Variants in KRT7 observed in about 807,000 individuals in gnomAD.
The protein encoded by KRT7 is keratin, type II cytoskeletal 7.
In KRT7, 50 loss-of-function variants were observed where a neutral mutation model predicts 42.8. The observed-to-expected ratio is 1.17, with a 90% CI of 0.93 to 1.48. The LOEUF is 1.48. Ranked by LOEUF, KRT7 falls within the 40% of genes most tolerant of loss-of-function variation. The pLI, the probability that KRT7 is intolerant of heterozygous loss-of-function variation, is 0.00. For synonymous variants in KRT7, 268 were observed against 266.3 expected (o/e 1.01, Z -0.06); for missense variants, 588 against 637.6 (o/e 0.92, Z 0.84).
intron 5 of KRT7, among the ~76,000 whole-genome samples, chr12:52,242,233 A>C (rs1228311568): frequency 2.0e-5 from 3 of 152,166 alleles, no homozygotes; most frequent in African/African-American, 7.2e-5. Context: ...TCGGCCTCCC[A>C]AAGTGCTGGG....
downstream of KRT7, among the ~76,000 whole-genome samples, chr12:52,251,479 C>A (rs1592400259): frequency 3.3e-5 from 5 of 152,302 alleles, no homozygotes; most frequent in African/African-American, 1.2e-4. Flanking sequence ...CTGTATGCAG[C>A]CTTCTGGTCA....
chr12:52,252,496 A>G, downstream of KRT7: 1 of 1,609,390 alleles, frequency 6.2e-7, no homozygotes, highest in Non-Finnish European at 8.5e-7. Flanking sequence ...GAGGCAAGGG[A>G]GGGTTATTAA....
intron 6 of KRT7, among the ~76,000 whole-genome samples, chr12:52,244,152 G>C (rs1942135591): frequency 1.3e-5 from 2 of 152,252 alleles, no homozygotes; most frequent in Non-Finnish European, 2.9e-5. Context: ...TGGGTGGTGG[G>C]GGGATGTGAG....
downstream of KRT7, among the ~76,000 whole-genome samples, chr12:52,249,615 CA>C (rs1230657081): frequency 2.6e-5 from 4 of 152,114 alleles, no homozygotes; most frequent in East Asian, 7.7e-4. Context: ...GAGTCCCCGA[CA>C]CACAGGTCTG....
At chr12:52,233,654 C>T (rs1941958417) in intron 1 of KRT7, 34 bp downstream of exon 1, 2 of 1,604,972 alleles carry the variant, frequency 1.2e-6, no homozygotes, top group African/African-American at 1.3e-5. Context: ...CTCCTCGAGC[C>T]GCGCTCCAGA....
downstream of KRT7, chr12:52,250,340 G>C (rs1942244742): frequency 5.8e-6 from 2 of 344,726 alleles, no homozygotes; most frequent in Non-Finnish European, 1.1e-5. Context: ...GCGCGGCGTG[G>C]GGGCCGATGG....
In KRT7 at chr12:52,237,553, T is replaced by G. The variant is rs753690910; in HGVS notation, c.581T>G (p.Phe194Cys). Residue 194 changes from phenylalanine (F) to cysteine (C), a missense_variant, in exon 3 of 9, where the codon TTT (phenylalanine) becomes TGT (cysteine). Coordinates refer to ENST00000331817, the MANE Select transcript of KRT7 (RefSeq NM_005556.4). Reference protein sequence around the residue: ...INHRTAAENEFVVLKKDVDAA... With the variant: ...INHRTAAENECVVLKKDVDAA... The stretch of plus-strand genomic sequence containing the variant: ...CACCGCACAGCTGCTGAGAATGAGT[T>G]TGTGGTGCTGAAGAAGGTGAGTGGG... 6.2e-7 allele frequency: 1 copy of G among 1,611,542 alleles called. No individual in the cohort carries two copies. The highest frequency in any genetic ancestry group is 1.7e-5 in the Admixed American group (1 of 59,820).
chr12:52,251,006 GTCTC>G (rs752077497), downstream of KRT7, among the ~76,000 whole-genome samples: 6 of 152,254 alleles, frequency 3.9e-5, no homozygotes, highest in East Asian at 5.8e-4. Flanking sequence ...TTGAGACGGA[GTCTC>G]TCTCTATCGC....
chr12:52,233,847 C>A (rs1466339857), intron 1 of KRT7, among the ~76,000 whole-genome samples: 1 of 152,190 alleles, frequency 6.6e-6, no homozygotes, highest in African/African-American at 2.4e-5. Flanking sequence ...AGCTGCCCAG[C>A]TGCCCCTCCC....
intron 3 of KRT7, 83 bp downstream of exon 3, chr12:52,237,652 A>G (rs946226106): frequency 7.1e-5 from 87 of 1,220,876 alleles, no homozygotes; most frequent in Non-Finnish European, 9.5e-5. Context: ...TGAGCAGCCC[A>G]TGGGGACCTC....
intron 1 of KRT7, among the ~76,000 whole-genome samples, chr12:52,234,130 G>GT (rs1565715544): frequency 6.7e-6 from 1 of 149,554 alleles, no homozygotes; most frequent in Admixed American, 6.6e-5. Flanking sequence ...GCGGGGGAGG[G>GT]GGGGGGGCTC....
At chr12:52,250,094 G>C (rs117837468), downstream of KRT7, among the ~76,000 whole-genome samples, 77 of 152,288 alleles carry the variant, frequency 5.1e-4, no homozygotes, top group East Asian at 0.013. Flanking sequence ...GAGGTGGCCT[G>C]TCCTGCACGT....
chr12:52,253,355 G>A (rs545761621), downstream of KRT7: 12 of 1,611,386 alleles, frequency 7.4e-6, no homozygotes, highest in South Asian at 7.7e-5. Flanking sequence ...AAGTAGAGTT[G>A]CTTATGAGGC....
chr12:52,250,703 C>G (rs1170943924), downstream of KRT7: 11 of 517,290 alleles, frequency 2.1e-5, no homozygotes, highest in Non-Finnish European at 3.7e-5. Flanking sequence ...CTGCTCAGAG[C>G]TTCTCCCCTC....
Position 52,245,417 on chromosome 12 carries a change from C to T in KRT7, c.990C>T (p.Ala330=). The T allele has an allele frequency of 1.2e-6, 2 of 1,613,726 alleles. No individual in the cohort carries two copies. Among genetic ancestry groups the T allele is most frequent in the Non-Finnish European group, 1.7e-6 (2 of 1,179,972 alleles). ...AGCTGCACTGCTGCCCACAGCGTGC[C>T]AAGTTGGAGGCCGCCATTGCCGAGG... is the stretch of plus-strand genomic sequence containing the variant. ...AEIDNIKNQR[A]KLEAAIAEAE... is the part of the protein sequence containing the mutation. Residue 330 remains alanine (A), a synonymous_variant, in exon 7 of 9, where the codon GCC becomes GCT. Coordinates refer to ENST00000331817, the MANE Select transcript of KRT7 (RefSeq NM_005556.4).
downstream of KRT7, among the ~76,000 whole-genome samples, chr12:52,254,792 C>T (rs1942317026): frequency 6.6e-6 from 1 of 152,144 alleles, no homozygotes; most frequent in East Asian, 1.9e-4. Context: ...GTCAGTGTCA[C>T]TCTGAGCAGC....
At chr12:52,248,439 C>T in intron 8 of KRT7, 152 bp from the exon 9 acceptor site, 1 of 888,588 alleles carries the variant, frequency 1.1e-6, no homozygotes, top group Non-Finnish European at 1.7e-6. Flanking sequence ...GCAGCCCTAC[C>T]CCTGTCAGAT....
At position 52,235,350 on chromosome 12, in the gene KRT7, G is replaced by T; in HGVS notation, c.520G>T (p.Glu174Ter). 1 of 1,611,304 alleles carries T rather than the reference G, an allele frequency of 6.2e-7. No individual in the cohort carries two copies. Reference sequence around the variant, plus strand: ...GCTGCGGAGCATGCAGGATGTGGTGGAGGACTTCAAGAATAAGTAATGCCC... The same window carrying T: ...GCTGCGGAGCATGCAGGATGTGGTGTAGGACTTCAAGAATAAGTAATGCCC... ...AELRSMQDVV[E>*]DFKNKYEDEI... Residue 174 changes from glutamate to a stop codon, truncating the protein, a stop_gained, in exon 2 of 9, where the codon GAG (glutamate) becomes TAG (stop). Transcript: ENST00000331817. LOFTEE classifies it high-confidence loss of function.
chr12:52,250,735 A>T, downstream of KRT7: 1 of 446,954 alleles, frequency 2.2e-6, no homozygotes, highest in South Asian at 2.1e-5. Context: ...GCGCCCCTCA[A>T]ACCCTCACAT....
Sources: gnomAD v4.1 joint callset for allele counts (sites outside exome capture counted in the v4.1 genomes callset) on GRCh38, gnomAD v4.1.1 for gene constraint, MANE v1.5 for transcripts, NCBI Gene and HGNC (gene_info 2026-07-23, HGNC 2026-07-21) for gene names.